The following AKAP10 variants were observed in gnomAD, a reference collection of about 807,000 sequenced individuals.
The protein encoded by AKAP10 is A-kinase anchor protein 10, mitochondrial.
AKAP10 carries 24 observed loss-of-function variants against 80.8 expected under a neutral mutation model. That is an observed-to-expected ratio of 0.30 (90% CI 0.22 to 0.42). The LOEUF (loss-of-function observed/expected upper bound fraction) is 0.42. Ranked by LOEUF, AKAP10 falls within the 10% of genes least tolerant of loss-of-function variation. The pLI is 1.00. For synonymous variants in AKAP10, 291 were observed against 277.7 expected (o/e 1.05, Z -0.48); for missense variants, 661 against 794.9 (o/e 0.83, Z 2.03).
intron 5 of AKAP10, among the ~76,000 whole-genome samples, chr17:19,946,240 TATATATATATATATA>T (rs2043115533): frequency 1.4e-4 from 2 of 14,582 alleles, no homozygotes; most frequent in Admixed American, 1.4e-3. Flanking sequence ...ATATATATTA[TATATATATATATATA>T]TATATATATA....
intron 6 of AKAP10, among the ~76,000 whole-genome samples, 177 bp downstream of exon 6, chr17:19,941,649 A>C (rs558179073): frequency 1.3e-5 from 2 of 152,390 alleles, no homozygotes; most frequent in African/African-American, 2.4e-5. Context: ...AAGAGTTCAC[A>C]TAATTTATAT....
chr17:19,939,478 C>T (rs1000366859), intron 8 of AKAP10, among the ~76,000 whole-genome samples: 4 of 152,140 alleles, frequency 2.6e-5, no homozygotes, highest in African/African-American at 9.7e-5. Context: ...CTGGGAAACA[C>T]TCCTTGAACA....
intron 5 of AKAP10, among the ~76,000 whole-genome samples, chr17:19,946,474 A>G (rs1359264164): frequency 1.3e-5 from 2 of 148,158 alleles, no homozygotes; most frequent in Non-Finnish European, 3.0e-5. Context: ...TTCTTCATCT[A>G]TAAAATAACT....
At chr17:19,967,278 A>C (rs1196112931) in intron 2 of AKAP10, among the ~76,000 whole-genome samples, 1 of 152,214 alleles carries the variant, frequency 6.6e-6, no homozygotes, top group Admixed American at 6.5e-5. Context: ...ATCTATAAAC[A>C]AGGACAATGT....
chr17:19,970,395 T>C (rs565499451), intron 1 of AKAP10, among the ~76,000 whole-genome samples: 1 of 152,372 alleles, frequency 6.6e-6, no homozygotes, highest in African/African-American at 2.4e-5. Context: ...TTCTAACATA[T>C]ACACAACTCA....
At chr17:19,920,259 G>C (rs1023935530) in intron 11 of AKAP10, 141 bp from the exon 12 acceptor site, 1 of 594,098 alleles carries the variant, frequency 1.7e-6, no homozygotes, top group Non-Finnish European at 2.9e-6. Context: ...TTAAAGTAGG[G>C]ATTATTTGAA....
At chr17:19,972,970 C>G (rs1346775039) in intron 1 of AKAP10, among the ~76,000 whole-genome samples, 1 of 151,910 alleles carries the variant, frequency 6.6e-6, no homozygotes, top group African/African-American at 2.4e-5. Flanking sequence ...AGCCCATGGG[C>G]CAAATACAAC....
intron 14 of AKAP10, among the ~76,000 whole-genome samples, chr17:19,907,868 C>CTT (rs573617741): frequency 1.4e-5 from 2 of 145,426 alleles, no homozygotes; most frequent in Non-Finnish European, 1.5e-5. Context: ...GTCAGACATT[C>CTT]TTTTTTTTTT....
intron 4 of AKAP10, among the ~76,000 whole-genome samples, chr17:19,951,181 G>GGGAA (rs1567769068): frequency 1.8e-5 from 2 of 111,560 alleles, no homozygotes; most frequent in African/African-American, 6.2e-5. Flanking sequence ...CTGGGAGGGA[G>GGGAA]GTGGGGGGTC....
At chr17:19,975,328 T>C (rs927477989) in intron 1 of AKAP10, among the ~76,000 whole-genome samples, 2 of 152,216 alleles carry the variant, frequency 1.3e-5, no homozygotes, top group Admixed American at 6.5e-5. Flanking sequence ...ATCTCGGCAT[T>C]AGGAATAAAA....
chr17:19,915,474 C>T (rs939345367), intron 12 of AKAP10, among the ~76,000 whole-genome samples: 9 of 152,192 alleles, frequency 5.9e-5, no homozygotes, highest in African/African-American at 1.7e-4. Context: ...AGTAATCACT[C>T]AAATGCCTTT....
rs2043109809 is a variant in AKAP10, at chr17:19,946,223, TATATATATATATA to T, written c.976+1171_976+1183del. Among the ~76,000 whole-genome samples, 5 of 13,418 alleles carry T rather than the reference TATATATATATATA, an allele frequency of 3.7e-4. 1 individual carries two copies. Among genetic ancestry groups the T allele is most frequent in the African/African-American group, 5.5e-4 (2 of 3,660 alleles). The allele number at this position is 13,418 out of a possible 152,430, so 8.8% of individuals were successfully genotyped here. On this transcript the variant is annotated intron_variant, in intron 5 of 14. Coordinates refer to ENST00000225737, the MANE Select transcript of AKAP10 (RefSeq NM_007202.4). ...ATATATTTTATATATATATATATTT[TATATATATATATA>T]TTATATATATATATATATATATATA... is the stretch of plus-strand genomic sequence containing the variant.
intron 10 of AKAP10, among the ~76,000 whole-genome samples, chr17:19,930,653 G>A (rs755250454): frequency 2.6e-5 from 4 of 151,862 alleles, no homozygotes; most frequent in Admixed American, 6.6e-5. Flanking sequence ...TGAAGCAGGC[G>A]GCATTTGAGG....
At chr17:19,946,195 TAC>T (rs1166834480) in intron 5 of AKAP10, among the ~76,000 whole-genome samples, 5 of 69,062 alleles carry the variant, frequency 7.2e-5, no homozygotes, top group African/African-American at 2.2e-4. Context: ...TATATACTAA[TAC>T]ATATATTTTA....
At chr17:19,935,510 A>G (rs9905574) in intron 9 of AKAP10, among the ~76,000 whole-genome samples, 3 of 152,188 alleles carry the variant, frequency 2.0e-5, no homozygotes, top group South Asian at 2.1e-4. Flanking sequence ...TACTTTTTTT[A>G]GCTTTTTGAC....
Position 19,966,461 on chromosome 17 carries a change from CAGA to C in AKAP10, c.136+1950_136+1952del, listed in dbSNP as rs376626247. Among the ~76,000 whole-genome samples, 401 of 152,290 alleles carry C rather than the reference CAGA, an allele frequency of 2.6e-3. 1 individual carries two copies. Among genetic ancestry groups the C allele is most frequent in the African/African-American group, 9.1e-3 (379 of 41,548 alleles). On this transcript the variant is annotated intron_variant, in intron 2 of 14. Transcript: ENST00000225737. ...GTCAGTTTTTGTCTAATGCCCAGAA[CAGA>C]AGAAGTGTTCTATAAATGGCAGCTA...
At position 19,952,828 on chromosome 17, in the gene AKAP10, T is replaced by A. The variant is rs114465962; in HGVS notation, c.877+5186A>T. 3.9e-3 allele frequency among the ~76,000 whole-genome samples: 600 copies of A among 152,134 alleles called. 5 individuals carry two copies. The highest frequency in any genetic ancestry group is 0.014 in the African/African-American group (579 of 41,518). On this transcript the variant is annotated intron_variant, in intron 4 of 14. Transcript: ENST00000225737. The stretch of plus-strand genomic sequence containing the variant: ...GTAAAATTGGAAAAAAAAATTGTAG[T>A]TGGAAAGTTCAACACTCTTCTGAGT...
At chr17:19,936,736 A>G (rs1267181964) in intron 8 of AKAP10, among the ~76,000 whole-genome samples, 3 of 152,234 alleles carry the variant, frequency 2.0e-5, no homozygotes, top group Non-Finnish European at 4.4e-5. Flanking sequence ...TAACAATCAC[A>G]TATTTATGGG....
intron 11 of AKAP10, among the ~76,000 whole-genome samples, chr17:19,921,115 G>T (rs2042809038): frequency 6.7e-6 from 1 of 149,920 alleles, no homozygotes; most frequent in Non-Finnish European, 1.5e-5. Context: ...CATACCAAAA[G>T]AAACTCAATC....
Sources: allele counts gnomAD v4.1 joint callset (sites outside exome capture counted in the v4.1 genomes callset), GRCh38; gene constraint gnomAD v4.1.1; transcripts MANE v1.5; gene names NCBI Gene and HGNC (gene_info 2026-07-23, HGNC 2026-07-21).